The following SKIC3 variants were observed in gnomAD, a reference collection of about 807,000 sequenced individuals.
SKIC3 encodes superkiller complex protein 3.
chr5:95,482,561 A>G, the SKIC3 span: 3 of 1,613,922 alleles, frequency 1.9e-6, no homozygotes, highest in Non-Finnish European at 2.5e-6. Flanking sequence ...TTGTGACTCC[A>G]GGAGTGGTTT....
chr5:95,505,588 C>T, the SKIC3 span, among the ~76,000 whole-genome samples: 5 of 151,860 alleles, frequency 3.3e-5, no homozygotes, highest in South Asian at 2.1e-4. Context: ...CCAAGGCGGG[C>T]GAATCACGAG....
the SKIC3 span, chr5:95,542,054 GA>G: frequency 7.7e-6 from 5 of 647,946 alleles, no homozygotes; most frequent in African/African-American, 7.3e-5. Context: ...ATCTGTCTGA[GA>G]TTTGCCTCTA....
the SKIC3 span, among the ~76,000 whole-genome samples, chr5:95,531,027 C>T: frequency 1.3e-5 from 2 of 150,952 alleles, no homozygotes; most frequent in Admixed American, 6.6e-5. Flanking sequence ...AGACAAACTA[C>T]AACTTGAAGC....
the SKIC3 span, among the ~76,000 whole-genome samples, chr5:95,500,049 T>C: frequency 1.3e-5 from 2 of 152,198 alleles, no homozygotes; most frequent in Non-Finnish European, 1.5e-5. Context: ...GTAGTTTTAT[T>C]TTATGGGCAA....
chr5:95,476,674 G>T, the SKIC3 span, among the ~76,000 whole-genome samples: 1 of 152,122 alleles, frequency 6.6e-6, no homozygotes, highest in Admixed American at 6.5e-5. Context: ...ACTACTAAGG[G>T]CTTTAAACAG....
At chr5:95,522,012 T>A in the SKIC3 span, 3 of 1,610,544 alleles carry the variant, frequency 1.9e-6, no homozygotes, top group South Asian at 3.3e-5. Flanking sequence ...ATTTTATACT[T>A]CAGGATCATA....
the SKIC3 span, chr5:95,491,007 C>T: frequency 6.2e-7 from 1 of 1,613,960 alleles, no homozygotes; most frequent in East Asian, 2.2e-5. Flanking sequence ...TGACAGGCTG[C>T]CATTAGCCCA....
At chr5:95,464,831 G>T in the SKIC3 span, 6 of 601,002 alleles carry the variant, frequency 1.0e-5, no homozygotes, top group Admixed American at 2.4e-5. Flanking sequence ...CAATCTTTCA[G>T]TCACTTTTGC....
the SKIC3 span, chr5:95,494,707 A>G: frequency 1.2e-6 from 2 of 1,613,688 alleles, no homozygotes; most frequent in Non-Finnish European, 1.7e-6. Flanking sequence ...CTGCCTTCTG[A>G]ATGGTCTTTA....
the SKIC3 span, among the ~76,000 whole-genome samples, chr5:95,524,240 T>C: frequency 1.3e-5 from 2 of 152,214 alleles, no homozygotes; most frequent in Non-Finnish European, 2.9e-5. Flanking sequence ...GAGATAATTA[T>C]GTCTCGTTTT....
At chr5:95,511,270 C>A in the SKIC3 span, among the ~76,000 whole-genome samples, 1 of 152,114 alleles carries the variant, frequency 6.6e-6, no homozygotes, top group East Asian at 1.9e-4. Flanking sequence ...ATTAGCCGGG[C>A]GTGGTGGCAC....
chr5:95,484,667 G>A, the SKIC3 span: 2 of 1,612,002 alleles, frequency 1.2e-6, no homozygotes, highest in Non-Finnish European at 1.7e-6. Flanking sequence ...CATTTTTGAA[G>A]TTATTTTCCC....
chr5:95,542,536 A>G, the SKIC3 span, among the ~76,000 whole-genome samples: 1 of 152,324 alleles, frequency 6.6e-6, no homozygotes, highest in South Asian at 2.1e-4. Context: ...TCATTTTTGC[A>G]TTAAAGAACG....
chr5:95,478,436 C>A, the SKIC3 span: 1 of 1,613,696 alleles, frequency 6.2e-7, no homozygotes, highest in East Asian at 2.2e-5. Flanking sequence ...TACACATGTG[C>A]CAGCCACTAA....
chr5:95,546,030 C>A, the SKIC3 span, among the ~76,000 whole-genome samples: 1 of 152,094 alleles, frequency 6.6e-6, no homozygotes, highest in Non-Finnish European at 1.5e-5. Flanking sequence ...ATCCTAAACG[C>A]TTTTTCCATT....
the SKIC3 span, chr5:95,517,305 G>T: frequency 1.2e-6 from 2 of 1,612,976 alleles, no homozygotes; most frequent in Non-Finnish European, 1.7e-6. Context: ...GGACACATCA[G>T]CTCGATGCTG....
At chr5:95,491,000 C>T in the SKIC3 span, 1 of 1,614,060 alleles carries the variant, frequency 6.2e-7, no homozygotes, top group Non-Finnish European at 8.5e-7. Context: ...ATCAGCGTGA[C>T]AGGCTGCCAT....
chr5:95,522,143 A>G, the SKIC3 span: 1 of 1,613,872 alleles, frequency 6.2e-7, no homozygotes, highest in South Asian at 1.1e-5. Flanking sequence ...GATTTGCTGT[A>G]TTGCTGCAAC....
chr5:95,524,691 T>C, the SKIC3 span: 2 of 1,533,276 alleles, frequency 1.3e-6, no homozygotes, highest in East Asian at 2.3e-5. Flanking sequence ...AAAGTTTGAG[T>C]GATTCAGAGG....
Sources: allele counts gnomAD v4.1 joint callset (sites outside exome capture counted in the v4.1 genomes callset), GRCh38; gene constraint gnomAD v4.1.1; transcripts MANE v1.5; gene names NCBI Gene and HGNC (gene_info 2026-07-23, HGNC 2026-07-21).